Variants in PCCA observed in about 807,000 individuals in gnomAD.
PCCA encodes the protein propionyl-CoA carboxylase subunit alpha.
In PCCA, 74 loss-of-function variants were observed where a neutral mutation model predicts 101.3. The ratio of observed to expected loss-of-function variants is 0.73; its 90% CI spans 0.61 to 0.89. PCCA has a LOEUF of 0.89. PCCA is among the 40% of genes least tolerant of loss of function. PCCA has a pLI of 0.00. For synonymous variants in PCCA, 294 were observed against 313.6 expected, an observed-to-expected ratio of 0.94 and a Z score of 0.66; for missense variants, 891 against 907.0, an observed-to-expected ratio of 0.98 and a Z score of 0.23.
Position 100,301,444 on chromosome 13 carries a change from G to C in PCCA, c.1066-16G>C. ...CCTTTTCTACACCTACTGACTGGCA[G>C]ACCTTGGCCTTGCAGGTTGAGCATC... On this transcript the variant is annotated splice_polypyrimidine_tract_variant and intron_variant, in intron 12 of 23. Transcript: ENST00000376285. 1 of 1,613,806 alleles carries C rather than the reference G, an allele frequency of 6.2e-7. No homozygotes were observed. Among genetic ancestry groups the C allele is most frequent in the East Asian group, 2.2e-5 (1 of 44,864 alleles).
chr13:100,404,943 A>G (rs1302707314), intron 19 of PCCA, among the ~76,000 whole-genome samples: 1 of 152,114 alleles, frequency 6.6e-6, no homozygotes, highest in Non-Finnish European at 1.5e-5. Flanking sequence ...TGGATCCCTT[A>G]CATCCAGTTT....
chr13:100,424,721 T>C (rs1445923703), intron 19 of PCCA, among the ~76,000 whole-genome samples: 1 of 152,178 alleles, frequency 6.6e-6, no homozygotes, highest in Non-Finnish European at 1.5e-5. Context: ...AAGTCTCTGA[T>C]AATCTGATTT....
At chr13:100,159,675 C>T (rs182056282) in intron 6 of PCCA, among the ~76,000 whole-genome samples, 55 of 152,318 alleles carry the variant, frequency 3.6e-4, no homozygotes, top group Admixed American at 9.1e-4. Context: ...CTCCTCCTTT[C>T]TTTCACACGA....
At chr13:100,402,576 A>C (rs1386752988) in intron 19 of PCCA, among the ~76,000 whole-genome samples, 2 of 152,204 alleles carry the variant, frequency 1.3e-5, no homozygotes, top group Non-Finnish European at 2.9e-5. Context: ...ACGAACTTCC[A>C]GCCTAGTTTG....
At chr13:100,463,336 GTTTTTT>G (rs574359198) in intron 21 of PCCA, among the ~76,000 whole-genome samples, 11 of 114,324 alleles carry the variant, frequency 9.6e-5, no homozygotes, top group South Asian at 2.9e-4. Context: ...TATTGGTGTG[GTTTTTT>G]TTTTTTTTTT....
chr13:100,121,307 G>A (rs1162793582), intron 4 of PCCA, among the ~76,000 whole-genome samples: 2 of 151,382 alleles, frequency 1.3e-5, no homozygotes, highest in East Asian at 1.9e-4. Flanking sequence ...ACAGGCATGC[G>A]CCACCACGCA....
At chr13:100,185,302 T>C (rs2057155997) in intron 6 of PCCA, among the ~76,000 whole-genome samples, 1 of 152,152 alleles carries the variant, frequency 6.6e-6, no homozygotes, top group South Asian at 2.1e-4. Flanking sequence ...AAAATTTGCT[T>C]TCTGTCTTTG....
intron 20 of PCCA, among the ~76,000 whole-genome samples, chr13:100,432,727 C>T (rs957266844): frequency 6.6e-6 from 1 of 152,130 alleles, no homozygotes; most frequent in African/African-American, 2.4e-5. Flanking sequence ...ATTTAGAAGA[C>T]AATCCTATTA....
intron 21 of PCCA, among the ~76,000 whole-genome samples, chr13:100,454,580 T>C (rs1204377988): frequency 6.6e-6 from 1 of 152,240 alleles, no homozygotes; most frequent in Non-Finnish European, 1.5e-5. Flanking sequence ...AATAGCAGCA[T>C]GTCCCATGGC....
intron 20 of PCCA, among the ~76,000 whole-genome samples, chr13:100,448,407 G>A (rs2152924826): frequency 6.6e-6 from 1 of 152,194 alleles, no homozygotes; most frequent in African/African-American, 2.4e-5. Flanking sequence ...TGGCCAGGCT[G>A]GTCTTGAATT....
At chr13:100,457,000 C>T (rs976262709) in intron 21 of PCCA, among the ~76,000 whole-genome samples, 42 of 152,094 alleles carry the variant, frequency 2.8e-4, no homozygotes, top group Admixed American at 7.9e-4. Flanking sequence ...CTGGCATTAC[C>T]GCTTGACCAA....
chr13:100,367,636 T>G (rs1044738829), intron 18 of PCCA, among the ~76,000 whole-genome samples: 5 of 150,154 alleles, frequency 3.3e-5, no homozygotes, highest in Non-Finnish European at 7.4e-5. Flanking sequence ...TAAGTATAGT[T>G]TTTTTTTTGT....
intron 20 of PCCA, among the ~76,000 whole-genome samples, chr13:100,444,360 C>T (rs778751151): frequency 2.7e-4 from 41 of 151,000 alleles, no homozygotes; most frequent in African/African-American, 9.7e-4. Flanking sequence ...GCCACCACCA[C>T]GCCCGGCTAA....
At chr13:100,434,341 C>T (rs2079774813) in intron 20 of PCCA, among the ~76,000 whole-genome samples, 1 of 152,202 alleles carries the variant, frequency 6.6e-6, no homozygotes, top group Admixed American at 6.5e-5. Flanking sequence ...CTTCTGAGGC[C>T]TTCTCTTTGG....
intron 21 of PCCA, among the ~76,000 whole-genome samples, chr13:100,486,273 C>T (rs2084364803): frequency 6.6e-6 from 1 of 152,182 alleles, no homozygotes; most frequent in Admixed American, 6.5e-5. Flanking sequence ...GCAGGGCTTA[C>T]ATAACACTGT....
chr13:100,395,053 A>G (rs1254135016), intron 19 of PCCA, among the ~76,000 whole-genome samples: 1 of 152,218 alleles, frequency 6.6e-6, no homozygotes, highest in Non-Finnish European at 1.5e-5. Flanking sequence ...ACAGGTTTGC[A>G]TATCTAAAAC....
intron 4 of PCCA, chr13:100,150,710 A>C: frequency 1.3e-6 from 2 of 1,577,344 alleles, no homozygotes; most frequent in Non-Finnish European, 1.7e-6. Flanking sequence ...AACCTCAAAA[A>C]ATTTGTATGT....
At chr13:100,227,600 C>A (rs547748052) in intron 7 of PCCA, among the ~76,000 whole-genome samples, 1 of 152,118 alleles carries the variant, frequency 6.6e-6, no homozygotes, top group African/African-American at 2.4e-5. Flanking sequence ...CCCTTTTCTC[C>A]GTTTCTTAAG....
At chr13:100,232,614 C>T (rs1219603712) in intron 7 of PCCA, among the ~76,000 whole-genome samples, 2 of 152,096 alleles carry the variant, frequency 1.3e-5, no homozygotes, top group Non-Finnish European at 2.9e-5. Flanking sequence ...CTCCTACCCT[C>T]AAGTGATCCT....
Sources: gnomAD v4.1 joint callset for allele counts (sites outside exome capture counted in the v4.1 genomes callset) on GRCh38, gnomAD v4.1.1 for gene constraint, MANE v1.5 for transcripts, NCBI Gene and HGNC (gene_info 2026-07-23, HGNC 2026-07-21) for gene names.